The following BAZ2B variants were observed in gnomAD, a reference collection of about 807,000 sequenced individuals.
BAZ2B encodes bromodomain adjacent to zinc finger domain 2B.
A neutral mutation model predicts 246.0 loss-of-function variants in BAZ2B; 91 were observed. The ratio of observed to expected loss-of-function variants is 0.37; its 90% confidence interval spans 0.31 to 0.44. BAZ2B has a LOEUF of 0.44. BAZ2B is among the 20% of genes least tolerant of loss of function. The pLI, the probability that BAZ2B is intolerant of heterozygous loss-of-function variation, is 1.00. For synonymous variants in BAZ2B, 855 were observed against 860.0 expected (o/e 0.99, Z 0.10); for missense variants, 2,332 against 2,533.7 (o/e 0.92, Z 1.71).
At chr2:159,462,782 AT>A (rs2076572180) in intron 3 of BAZ2B, 1 of 1,409,294 alleles carries the variant, frequency 7.1e-7, no homozygotes, top group Non-Finnish European at 1.0e-6. Flanking sequence ...ATGGCTTTCA[AT>A]ACATGCAATA....
At chr2:159,658,452 G>A in the BAZ2B span, among the ~76,000 whole-genome samples, 8 of 152,056 alleles carry the variant, frequency 5.3e-5, no homozygotes. Flanking sequence ...TCTCACCTAG[G>A]CCTCATGAGT....
At chr2:159,582,618 CCAGTGAT>C (rs374421817) in intron 1 of BAZ2B, among the ~76,000 whole-genome samples, 235 of 152,196 alleles carry the variant, frequency 1.5e-3, no homozygotes, top group African/African-American at 5.4e-3. Flanking sequence ...CTCCTGGACT[CCAGTGAT>C]CAGCCCACCT....
chr2:159,351,272 C>G (rs2058533731), intron 27 of BAZ2B, among the ~76,000 whole-genome samples: 1 of 152,022 alleles, frequency 6.6e-6, no homozygotes, highest in Admixed American at 6.6e-5. Context: ...GAATAATACC[C>G]TGTAAACACC....
intron 13 of BAZ2B, among the ~76,000 whole-genome samples, chr2:159,416,807 T>C (rs1479131518): frequency 6.6e-6 from 1 of 152,230 alleles, no homozygotes; most frequent in African/African-American, 2.4e-5. Flanking sequence ...GGATTATGTA[T>C]AATGTCTTCT....
At chr2:159,368,682 A>C in intron 27 of BAZ2B, among the ~76,000 whole-genome samples, 1 of 152,158 alleles carries the variant, frequency 6.6e-6, no homozygotes. Context: ...ATCACTTTGC[A>C]GTTGTTTTAG....
intron 25 of BAZ2B, among the ~76,000 whole-genome samples, chr2:159,381,130 T>C (rs1319510770): frequency 6.6e-6 from 1 of 152,138 alleles, no homozygotes; most frequent in South Asian, 2.1e-4. Flanking sequence ...TCCACTACTC[T>C]ATTCACTAAA....
chr2:159,550,797 T>A (rs1476811780), intron 2 of BAZ2B, among the ~76,000 whole-genome samples: 1 of 151,740 alleles, frequency 6.6e-6, no homozygotes, highest in Non-Finnish European at 1.5e-5. Flanking sequence ...TCTACAAAAT[T>A]TAAGTAATAT....
the BAZ2B span, among the ~76,000 whole-genome samples, chr2:159,687,439 G>A: frequency 6.6e-6 from 1 of 152,136 alleles, no homozygotes; most frequent in Admixed American, 6.5e-5. Flanking sequence ...AATCACCAAT[G>A]GACAATGATT....
At chr2:159,570,989 G>A (rs1022213075) in intron 1 of BAZ2B, among the ~76,000 whole-genome samples, 1 of 152,048 alleles carries the variant, frequency 6.6e-6, no homozygotes, top group Non-Finnish European at 1.5e-5. Flanking sequence ...AAGTAGCTGG[G>A]GTTACAGGTG....
At chr2:159,334,013 A>G (rs1172349262) in intron 33 of BAZ2B, among the ~76,000 whole-genome samples, 1 of 152,138 alleles carries the variant, frequency 6.6e-6, no homozygotes, top group East Asian at 1.9e-4. Flanking sequence ...TTTGAGTTAC[A>G]TCGTTAAAAC....
chr2:159,495,374 A>G (rs2080973641), intron 2 of BAZ2B, among the ~76,000 whole-genome samples: 1 of 147,926 alleles, frequency 6.8e-6, no homozygotes, highest in Non-Finnish European at 1.5e-5. Context: ...AGTCCCAGCT[A>G]CTTGGGAGGC....
At chr2:159,630,946 C>T in the BAZ2B span, among the ~76,000 whole-genome samples, 2 of 152,134 alleles carry the variant, frequency 1.3e-5, no homozygotes, top group African/African-American at 4.8e-5. Flanking sequence ...GTAGTCCCAA[C>T]ATTTTGAGAG....
intron 27 of BAZ2B, among the ~76,000 whole-genome samples, chr2:159,370,694 C>T (rs1225558175): frequency 6.6e-6 from 1 of 151,464 alleles, no homozygotes; most frequent in Non-Finnish European, 1.5e-5. Flanking sequence ...TTCTAAATGA[C>T]CCATACTTTT....
chr2:159,569,855 G>C (rs960216602), intron 1 of BAZ2B, among the ~76,000 whole-genome samples: 1 of 151,918 alleles, frequency 6.6e-6, no homozygotes, highest in African/African-American at 2.4e-5. Flanking sequence ...ATGAAAATTA[G>C]GTAATTTTCA....
At chr2:159,362,834 A>G (rs1406176700) in intron 27 of BAZ2B, among the ~76,000 whole-genome samples, 2 of 152,116 alleles carry the variant, frequency 1.3e-5, no homozygotes, top group East Asian at 1.9e-4. Context: ...CAGGAGTACA[A>G]ATTGGTAGGG....
intron 36 of BAZ2B, 119 bp downstream of exon 36, chr2:159,324,683 CACACACCTG>C: frequency 1.8e-5 from 5 of 283,946 alleles, no homozygotes; most frequent in Admixed American, 6.8e-5. Context: ...CACACACACA[CACACACCTG>C]CCTCAAAGGC....
chr2:159,637,996 C>A, the BAZ2B span, among the ~76,000 whole-genome samples: 4 of 152,270 alleles, frequency 2.6e-5, no homozygotes, highest in South Asian at 2.1e-4. Context: ...GGCTTCAGGT[C>A]TGACCCACTG....
At chr2:159,366,664 A>G (rs969884495) in intron 27 of BAZ2B, among the ~76,000 whole-genome samples, 1 of 152,236 alleles carries the variant, frequency 6.6e-6, no homozygotes, top group African/African-American at 2.4e-5. Context: ...TATCACTGAA[A>G]TTAGTATTGC....
chr2:159,706,780 A>G, the BAZ2B span, among the ~76,000 whole-genome samples: 1 of 152,240 alleles, frequency 6.6e-6, no homozygotes, highest in Non-Finnish European at 1.5e-5. Flanking sequence ...GCAAGGCCAG[A>G]GTACCCAGTT....
Sources: gnomAD v4.1 joint callset for allele counts (sites outside exome capture counted in the v4.1 genomes callset) on GRCh38, gnomAD v4.1.1 for gene constraint, MANE v1.5 for transcripts, NCBI Gene and HGNC (gene_info 2026-07-23, HGNC 2026-07-21) for gene names.